PDLIM1: variants seen among roughly 807,000 people sequenced by gnomAD.
PDLIM1 encodes the protein PDZ and LIM domain 1.
A neutral mutation model predicts 35.2 loss-of-function variants in PDLIM1; 25 were observed. The observed-to-expected ratio is 0.71, with a 90% CI of 0.52 to 0.99. The LOEUF (loss-of-function observed/expected upper bound fraction) is 0.99, where lower values mean the gene tolerates loss of function less well. PDLIM1 is among the 50% of genes least tolerant of loss of function. PDLIM1 has a pLI of 0.00. For missense variants in PDLIM1, 363 were observed against 415.3 expected (o/e 0.87, Z 1.09); for synonymous variants, 152 against 154.0 (o/e 0.99, Z 0.10).
Position 95,268,876 on chromosome 10 carries a change from A to G in PDLIM1, c.249-14T>C. 6.4e-7 allele frequency: 1 copy of G among 1,554,486 alleles called. No homozygotes were observed. The highest frequency in any genetic ancestry group is 8.9e-7 in the Non-Finnish European group (1 of 1,125,672). ...TTATGTTCAGATCTGCAACAGATTA[A>G]CAAAGCTGCTGTTTCACTCATGTAA... is the stretch of plus-strand genomic sequence containing the variant. On this transcript the variant is annotated splice_polypyrimidine_tract_variant and intron_variant, in intron 2 of 6. Coordinates refer to ENST00000329399, the MANE Select transcript of PDLIM1 (RefSeq NM_020992.4).
At chr10:95,265,652 C>T (rs1032843098) in intron 3 of PDLIM1, among the ~76,000 whole-genome samples, 2 of 149,262 alleles carry the variant, frequency 1.3e-5, no homozygotes, top group African/African-American at 2.5e-5. Flanking sequence ...CAGTGGCTCA[C>T]GCCTGTAATC....
At chr10:95,241,817 C>CAG (rs144578538) in intron 5 of PDLIM1, among the ~76,000 whole-genome samples, 12,878 of 152,226 alleles carry the variant, frequency 0.085, 638 homozygotes, top group Middle Eastern at 0.28. Context: ...TGAGAGGACT[C>CAG]GGGGCCTGGT....
At chr10:95,252,137 G>T (rs1309344046) in intron 4 of PDLIM1, among the ~76,000 whole-genome samples, 1 of 152,164 alleles carries the variant, frequency 6.6e-6, no homozygotes, top group Non-Finnish European at 1.5e-5. Flanking sequence ...TCTCACTGGG[G>T]TAGATTCAGA....
At chr10:95,272,397 A>G (rs1233083690) in intron 1 of PDLIM1, among the ~76,000 whole-genome samples, 1 of 152,148 alleles carries the variant, frequency 6.6e-6, no homozygotes, top group Non-Finnish European at 1.5e-5. Flanking sequence ...AAAATTGTTG[A>G]CCAGGCATGG....
chr10:95,276,080 T>C (rs2035509160), intron 1 of PDLIM1, among the ~76,000 whole-genome samples: 1 of 152,188 alleles, frequency 6.6e-6, no homozygotes, highest in Admixed American at 6.5e-5. Flanking sequence ...CCCTTTCATA[T>C]ACAATCTCCT....
intron 4 of PDLIM1, among the ~76,000 whole-genome samples, chr10:95,253,603 C>G (rs1053782488): frequency 6.7e-6 from 1 of 148,990 alleles, no homozygotes; most frequent in South Asian, 2.1e-4. Context: ...TGGCAGTAAG[C>G]GGAGATCGCA....
At chr10:95,252,532 G>A (rs1030368888) in intron 4 of PDLIM1, among the ~76,000 whole-genome samples, 3 of 152,106 alleles carry the variant, frequency 2.0e-5, no homozygotes, top group African/African-American at 7.2e-5. Flanking sequence ...GAAGAACCAG[G>A]AAGATCTCAA....
At position 95,271,535 on chromosome 10, in the gene PDLIM1, T is replaced by C. The variant is rs571081084; in HGVS notation, c.248+98A>G. On this transcript the variant is annotated intron_variant, in intron 2 of 6. Coordinates refer to ENST00000329399, the MANE Select transcript of PDLIM1 (RefSeq NM_020992.4). ...CTATAGTATATACATGGCACTGAGC[T>C]AGGAGGTCTGGGGGATTCTGAGATA... is the stretch of plus-strand genomic sequence containing the variant. The C allele has an allele frequency of 3.5e-5, 35 of 1,007,558 alleles. 1 individual carries two copies. The South Asian group carries it at 5.7e-4, about 16-fold the overall frequency. The allele number at this position is 1,007,558 out of a possible 1,614,324, so 62.4% of individuals were successfully genotyped here.
intron 4 of PDLIM1, among the ~76,000 whole-genome samples, chr10:95,258,399 G>A (rs67403627): frequency 0.082 from 12,524 of 152,130 alleles, 669 homozygotes; most frequent in Middle Eastern, 0.16. Context: ...CTACTCGGGA[G>A]GCTGAGGCAG....
intron 4 of PDLIM1, chr10:95,247,728 G>A (rs1589507008): frequency 6.0e-6 from 1 of 167,936 alleles, no homozygotes; most frequent in Admixed American, 6.4e-5. Flanking sequence ...AGCCAACCAT[G>A]AAGAACTCAG....
chr10:95,269,130 G>C (rs1217025739), intron 2 of PDLIM1, among the ~76,000 whole-genome samples: 1 of 152,194 alleles, frequency 6.6e-6, no homozygotes, highest in Admixed American at 6.5e-5. Context: ...GACACCAGCA[G>C]TGTGGTCTCC....
chr10:95,281,920 C>A (rs955637754), intron 1 of PDLIM1, among the ~76,000 whole-genome samples: 1 of 152,080 alleles, frequency 6.6e-6, no homozygotes, highest in Non-Finnish European at 1.5e-5. Context: ...AAGTTCCTGG[C>A]ACTTCTCTCT....
At chr10:95,269,139 C>T (rs2035440622) in intron 2 of PDLIM1, among the ~76,000 whole-genome samples, 1 of 152,208 alleles carries the variant, frequency 6.6e-6, no homozygotes, top group East Asian at 1.9e-4. Flanking sequence ...AGTGTGGTCT[C>T]CTCCATGTTC....
At chr10:95,284,588 A>G (rs1216143515) in intron 1 of PDLIM1, among the ~76,000 whole-genome samples, 1 of 152,200 alleles carries the variant, frequency 6.6e-6, no homozygotes, top group African/African-American at 2.4e-5. Flanking sequence ...TCCTGACCTC[A>G]GGTGATTCAC....
At chr10:95,288,916 A>G (rs1207356311) in intron 1 of PDLIM1, among the ~76,000 whole-genome samples, 1 of 152,250 alleles carries the variant, frequency 6.6e-6, no homozygotes, top group South Asian at 2.1e-4. Flanking sequence ...TTTCTGGAAT[A>G]TGATACGTGC....
At chr10:95,257,973 A>G (rs1371264230) in intron 4 of PDLIM1, among the ~76,000 whole-genome samples, 1 of 152,196 alleles carries the variant, frequency 6.6e-6, no homozygotes, top group Non-Finnish European at 1.5e-5. Context: ...ATTTACAGAG[A>G]AAGAGGTTTA....
intron 3 of PDLIM1, among the ~76,000 whole-genome samples, chr10:95,266,509 A>G (rs544583803): frequency 6.6e-6 from 1 of 152,244 alleles, no homozygotes; most frequent in African/African-American, 2.4e-5. Context: ...TTTCCCTGCA[A>G]TTTCCTGTTT....
intron 1 of PDLIM1, among the ~76,000 whole-genome samples, chr10:95,283,935 G>C (rs2035579809): frequency 6.6e-6 from 1 of 151,720 alleles, no homozygotes; most frequent in Non-Finnish European, 1.5e-5. Flanking sequence ...TATGTAACTG[G>C]AATCACACAG....
At chr10:95,243,601 TAC>T (rs2035195880) in intron 5 of PDLIM1, among the ~76,000 whole-genome samples, 1 of 152,126 alleles carries the variant, frequency 6.6e-6, no homozygotes, top group Non-Finnish European at 1.5e-5. Flanking sequence ...CGAGCCTCGG[TAC>T]TTGCTGAACT....
Sources: allele counts gnomAD v4.1 joint callset (sites outside exome capture counted in the v4.1 genomes callset), GRCh38; gene constraint gnomAD v4.1.1; transcripts MANE v1.5; gene names NCBI Gene and HGNC (gene_info 2026-07-23, HGNC 2026-07-21).